AGBL4: variants seen among roughly 807,000 people sequenced by gnomAD.
AGBL4 encodes AGBL carboxypeptidase 4, also known as cytosolic carboxypeptidase 6.
Under a neutral mutation model 66.4 loss-of-function variants are expected in AGBL4, and 58 were observed. The ratio of observed to expected loss-of-function variants is 0.87; its 90% CI spans 0.71 to 1.09. The LOEUF is 1.09. Among genes scored for constraint, AGBL4 ranks in the 50% least tolerant of loss-of-function variants. The pLI, the probability that AGBL4 is intolerant of heterozygous loss-of-function variation, is 0.00. For synonymous variants in AGBL4, 234 were observed against 222.9 expected, an observed-to-expected ratio of 1.05 and a Z score of -0.44; for missense variants, 579 against 631.0, an observed-to-expected ratio of 0.92 and a Z score of 0.88.
chr1:49,222,600 T>C (rs558761516), intron 4 of AGBL4, among the ~76,000 whole-genome samples: 1 of 152,344 alleles, frequency 6.6e-6, no homozygotes, highest in African/African-American at 2.4e-5. Context: ...GAACATTTTT[T>C]TAAGATTGTT....
intron 3 of AGBL4, among the ~76,000 whole-genome samples, chr1:49,622,288 T>C (rs1474671891): frequency 6.6e-6 from 1 of 152,174 alleles, no homozygotes; most frequent in Non-Finnish European, 1.5e-5. Context: ...AGAATTTTGA[T>C]AGTTACTTCA....
At chr1:48,768,760 A>G (rs555257295) in intron 6 of AGBL4, among the ~76,000 whole-genome samples, 1 of 152,348 alleles carries the variant, frequency 6.6e-6, no homozygotes, top group Non-Finnish European at 1.5e-5. Flanking sequence ...AATGCTTTGT[A>G]AAGGTCTTAT....
At chr1:48,939,804 AT>A (rs1474544799) in intron 5 of AGBL4, among the ~76,000 whole-genome samples, 1 of 152,242 alleles carries the variant, frequency 6.6e-6, no homozygotes, top group Non-Finnish European at 1.5e-5. Flanking sequence ...CAATGACAAC[AT>A]TAATAATGAA....
chr1:49,917,161 GA>G (rs1159225343), intron 1 of AGBL4, among the ~76,000 whole-genome samples: 1 of 152,120 alleles, frequency 6.6e-6, no homozygotes, highest in Admixed American at 6.5e-5. Context: ...TTGATGCTAG[GA>G]AGAAATTGCA....
At chr1:49,990,822 GA>G (rs1245357420) in intron 1 of AGBL4, among the ~76,000 whole-genome samples, 5 of 152,186 alleles carry the variant, frequency 3.3e-5, no homozygotes, top group Admixed American at 6.5e-5. Flanking sequence ...ATAAGTTTCA[GA>G]AATCTGTAGC....
chr1:48,898,934 C>T (rs1651808667), intron 5 of AGBL4, among the ~76,000 whole-genome samples: 1 of 152,196 alleles, frequency 6.6e-6, no homozygotes. Context: ...AAGGTCCTCT[C>T]ACGAGGGAGC....
At chr1:49,970,511 C>CA (rs1194855972) in intron 1 of AGBL4, among the ~76,000 whole-genome samples, 1 of 152,078 alleles carries the variant, frequency 6.6e-6, no homozygotes, top group Non-Finnish European at 1.5e-5. Context: ...GCCTGGCCAA[C>CA]ATGGTGAAAC....
chr1:49,041,153 A>G lies in AGBL4; in HGVS notation c.594+4431T>C, dbSNP rs968792826. 2.0e-5 allele frequency among the ~76,000 whole-genome samples: 3 copies of G among 152,120 alleles called. No homozygotes were observed. In the East Asian group the frequency reaches 5.8e-4, roughly 29 times the overall value. On this transcript the variant is annotated intron_variant, in intron 5 of 13. Coordinates refer to ENST00000371839, the MANE Select transcript of AGBL4 (RefSeq NM_032785.4). ...TGATAGTTCTAGCACTAAAAATTCA[A>G]AATCTTCCTTCCTGCCTGCTCTCCC... is the stretch of plus-strand genomic sequence containing the variant.
At chr1:48,687,543 T>C (rs952481281) in intron 6 of AGBL4, among the ~76,000 whole-genome samples, 1 of 152,060 alleles carries the variant, frequency 6.6e-6, no homozygotes, top group Non-Finnish European at 1.5e-5. Flanking sequence ...TCCATGCAAA[T>C]GAAATGTTCT....
intron 3 of AGBL4, among the ~76,000 whole-genome samples, chr1:49,638,399 T>C (rs936655039): frequency 6.6e-6 from 1 of 152,238 alleles, no homozygotes; most frequent in Non-Finnish European, 1.5e-5. Flanking sequence ...TGAAAAGTTA[T>C]GCATAATTTT....
intron 6 of AGBL4, among the ~76,000 whole-genome samples, chr1:48,722,456 C>T (rs932279881): frequency 1.6e-4 from 24 of 152,040 alleles, no homozygotes; most frequent in African/African-American, 5.3e-4. Flanking sequence ...GTCAGTATGA[C>T]TACCCAACAA....
intron 3 of AGBL4, among the ~76,000 whole-genome samples, chr1:49,639,251 CA>C (rs1261232878): frequency 6.6e-6 from 1 of 152,168 alleles, no homozygotes; most frequent in Non-Finnish European, 1.5e-5. Flanking sequence ...TTCTAACACA[CA>C]CCCTGCTATC....
At chr1:49,244,554 C>A (rs1386691325) in intron 4 of AGBL4, among the ~76,000 whole-genome samples, 5 of 151,762 alleles carry the variant, frequency 3.3e-5, no homozygotes, top group Non-Finnish European at 7.4e-5. Flanking sequence ...TGCCAAGTAT[C>A]ATTTGGAGAT....
intron 1 of AGBL4, among the ~76,000 whole-genome samples, chr1:49,919,005 C>T (rs1008990345): frequency 6.6e-6 from 1 of 152,166 alleles, no homozygotes; most frequent in African/African-American, 2.4e-5. Flanking sequence ...TCAATAGATG[C>T]AGAAAAGGCC....
chr1:48,854,269 C>G (rs1647096558), intron 6 of AGBL4, among the ~76,000 whole-genome samples: 1 of 152,154 alleles, frequency 6.6e-6, no homozygotes, highest in Non-Finnish European at 1.5e-5. Flanking sequence ...GGCTGGCATC[C>G]TGCTCCATAT....
intron 1 of AGBL4, among the ~76,000 whole-genome samples, chr1:50,018,081 T>A (rs745838221): frequency 1.3e-5 from 2 of 152,194 alleles, no homozygotes; most frequent in South Asian, 4.1e-4. Context: ...TTTATTTCTA[T>A]AATATTTTTC....
chr1:49,578,639 T>C (rs1482992419), intron 3 of AGBL4, among the ~76,000 whole-genome samples: 1 of 152,234 alleles, frequency 6.6e-6, no homozygotes, highest in African/African-American at 2.4e-5. Context: ...TGAGATTTAC[T>C]GACTTCATAT....
intron 6 of AGBL4, among the ~76,000 whole-genome samples, chr1:48,671,292 T>C (rs998105052): frequency 6.6e-6 from 1 of 152,262 alleles, no homozygotes; most frequent in Non-Finnish European, 1.5e-5. Flanking sequence ...TTCTGTTAAA[T>C]TCAGTTCATA....
chr1:49,697,774 T>C (rs1048547148), intron 2 of AGBL4, among the ~76,000 whole-genome samples: 10 of 152,252 alleles, frequency 6.6e-5, no homozygotes, highest in South Asian at 6.2e-4. Context: ...GTTTCTTACA[T>C]AGAAAAGTGA....
Sources: allele counts gnomAD v4.1 joint callset (sites outside exome capture counted in the v4.1 genomes callset), GRCh38; gene constraint gnomAD v4.1.1; transcripts MANE v1.5; gene names NCBI Gene and HGNC (gene_info 2026-07-23, HGNC 2026-07-21).